The following MROH1 variants were observed in gnomAD, a reference collection of about 807,000 sequenced individuals.
The protein encoded by MROH1 is maestro heat like repeat family member 1, also known as maestro heat-like repeat-containing protein family member 1.
Under a neutral mutation model 116.5 loss-of-function variants are expected in MROH1, and 117 were observed. That is an observed-to-expected ratio of 1.00 (90% CI 0.86 to 1.17). The LOEUF is 1.17. MROH1 is among the 50% of genes most tolerant of loss of function. The pLI is 0.00. For missense variants in MROH1, 1,873 were observed against 1,338.5 expected, an observed-to-expected ratio of 1.40 and a Z score of -6.23; for synonymous variants, 921 against 583.9, an observed-to-expected ratio of 1.58 and a Z score of -8.32.
chr8:144,161,440 G>A (rs1413639618), intron 2 of MROH1, among the ~76,000 whole-genome samples: 1 of 152,132 alleles, frequency 6.6e-6, no homozygotes, highest in African/African-American at 2.4e-5. Context: ...GCAGACTCCG[G>A]CCGCCTTGGT....
chr8:144,200,294 TAG>T, intron 11 of MROH1, 132 bp from the exon 12 acceptor site: 10 of 672,930 alleles, frequency 1.5e-5, no homozygotes, highest in Non-Finnish European at 2.4e-5. Flanking sequence ...GCCCAGCGAT[TAG>T]GTGACCCCAG....
intron 12 of MROH1, among the ~76,000 whole-genome samples, chr8:144,219,084 G>A (rs1210751919): frequency 6.0e-5 from 9 of 150,784 alleles, no homozygotes; most frequent in African/African-American, 1.7e-4. Flanking sequence ...GTGCAGTGGT[G>A]CGATCTCAGC....
intron 12 of MROH1, among the ~76,000 whole-genome samples, chr8:144,211,739 A>C (rs1287748700): frequency 6.6e-6 from 1 of 152,098 alleles, no homozygotes; most frequent in African/African-American, 2.4e-5. Context: ...AAAAAAAAAA[A>C]AGAAAAAGAA....
chr8:144,260,104 G>T, intron 38 of MROH1, 47 bp downstream of exon 38: 3 of 742,528 alleles, frequency 4.0e-6, no homozygotes, highest in South Asian at 1.4e-5. Context: ...CATGGGTGGG[G>T]GGCTGTGCAT....
Position 144,250,235 on chromosome 8 carries a change from G to A in MROH1, c.3297G>A (p.Leu1099=), listed in dbSNP as rs2133154833. ...QEKVPEIVSV[L]RSKLQEAQGE... is the part of the protein sequence containing the mutation. ...AGGTGCCCGAGATCGTGAGCGTCCT[G>A]CGCTCCAAGCTTCAGGAGGCCCAGG... Residue 1099 remains leucine, a synonymous_variant, in exon 33 of 44, where the codon CTG becomes CTA. Coordinates refer to ENST00000326134, the MANE Select transcript of MROH1 (RefSeq NM_032450.3). The A allele has an allele frequency of 2.6e-6, 2 of 767,988 alleles. No homozygotes were observed. Among genetic ancestry groups the A allele is most frequent in the East Asian group, 4.9e-5 (2 of 41,200 alleles). The allele number at this position is 767,988 out of a possible 1,614,324, so 47.6% of individuals were successfully genotyped here.
chr8:144,180,377 G>A lies in MROH1; in HGVS notation c.463+37G>A, dbSNP rs753790020. 1 of 1,609,972 alleles carries A rather than the reference G, an allele frequency of 6.2e-7. No homozygotes were observed. The highest frequency in any genetic ancestry group is 1.3e-5 in the African/African-American group (1 of 75,042). On this transcript the variant is annotated intron_variant, in intron 6 of 43. Coordinates refer to ENST00000326134, the MANE Select transcript of MROH1 (RefSeq NM_032450.3). This position sits in a 1 kb window ranked among gnomAD's most constrained non-coding sequence, Gnocchi z 7.4. ...GCGGCCTGCCCCAGGAGGAGCACGG[G>A]GCGCTGGAAGCCTTGGCGGAGGCCT... is the stretch of plus-strand genomic sequence containing the variant.
intron 1 of MROH1, among the ~76,000 whole-genome samples, chr8:144,155,689 G>A (rs1468581009): frequency 2.7e-5 from 4 of 145,642 alleles, no homozygotes; most frequent in Admixed American, 2.1e-4. Flanking sequence ...ACCCAGGCCA[G>A]AATGCACGAT....
rs79749774 is a variant in MROH1 at position 144,197,417 on chromosome 8, C to CTTTTTTTTTTTTTTTT, written c.949-1684_949-1669dup. Reference sequence around the variant, plus strand: ...AAGAGTGGGCAGGAAGCTGCAGCATCTTTTTTTTTTTTTTTTTTTTTTTTT... The same window carrying CTTTTTTTTTTTTTTTT: ...AAGAGTGGGCAGGAAGCTGCAGCATCTTTTTTTTTTTTTTTTTTTTTTTTTTTTTTTTTTTTTTTTT... On this transcript the variant is annotated intron_variant, in intron 10 of 43. Transcript: ENST00000326134. Among the ~76,000 whole-genome samples the CTTTTTTTTTTTTTTTT allele has an allele frequency of 1.2e-4, 5 of 42,500 alleles. 2 individuals carry two copies. Among genetic ancestry groups the CTTTTTTTTTTTTTTTT allele is most frequent in the African/African-American group, 2.6e-4 (2 of 7,674 alleles). 27.9% of individuals were successfully genotyped at this position (42,500 alleles called of 152,430 possible). A position where few individuals can be genotyped will look rare whatever the true frequency, so the allele number is the denominator to read the frequency against.
At chr8:144,250,148 G>GC (rs1842616990) in intron 32 of MROH1, 64 bp from the exon 33 acceptor site, 1 of 731,150 alleles carries the variant, frequency 1.4e-6, no homozygotes, top group South Asian at 1.4e-5. Flanking sequence ...CCTTGGGCTG[G>GC]CGTAGGTGTG....
At chr8:144,154,548 G>A (rs1817593835) in intron 1 of MROH1, among the ~76,000 whole-genome samples, 1 of 152,140 alleles carries the variant, frequency 6.6e-6, no homozygotes, top group African/African-American at 2.4e-5. Flanking sequence ...GGTGTGTTAA[G>A]CAGATACACT....
intron 14 of MROH1, among the ~76,000 whole-genome samples, chr8:144,223,471 G>A (rs1416591120): frequency 6.6e-6 from 1 of 152,088 alleles, no homozygotes; most frequent in Non-Finnish European, 1.5e-5. Flanking sequence ...GAACTCCTGG[G>A]ATCAGGAGAC....
At chr8:144,217,936 G>T (rs968765397) in intron 12 of MROH1, among the ~76,000 whole-genome samples, 17 of 151,226 alleles carry the variant, frequency 1.1e-4, no homozygotes, top group African/African-American at 4.1e-4. Context: ...GGGTGGCTGC[G>T]TTAGCAGCCC....
chr8:144,214,686 C>G (rs1355990437), intron 12 of MROH1, among the ~76,000 whole-genome samples: 4 of 152,184 alleles, frequency 2.6e-5, no homozygotes, highest in Non-Finnish European at 5.9e-5. Flanking sequence ...TGTTCGTTCC[C>G]TTTGTCTCCT....
intron 14 of MROH1, among the ~76,000 whole-genome samples, chr8:144,229,325 C>G (rs192037186): frequency 1.4e-4 from 22 of 152,110 alleles, no homozygotes; most frequent in Admixed American, 1.4e-3. Context: ...TTTTGTTGCC[C>G]AGATCTGTGA....
chr8:144,157,609 G>A (rs1818461935), intron 1 of MROH1, among the ~76,000 whole-genome samples: 1 of 151,632 alleles, frequency 6.6e-6, no homozygotes, highest in Non-Finnish European at 1.5e-5. Flanking sequence ...CTCTTTGTGA[G>A]TGAGGTTTGA....
At chr8:144,158,876 C>G (rs890361762) in intron 1 of MROH1, among the ~76,000 whole-genome samples, 1 of 152,030 alleles carries the variant, frequency 6.6e-6, no homozygotes, top group Non-Finnish European at 1.5e-5. Flanking sequence ...GTAGCTGGGA[C>G]TACAGGCGCA....
intron 12 of MROH1, among the ~76,000 whole-genome samples, chr8:144,219,008 T>G (rs920365909): frequency 2.5e-4 from 35 of 137,428 alleles, no homozygotes; most frequent in African/African-American, 1.0e-3. Context: ...CTAATTTTTG[T>G]GTTTTTTTTT....
At chr8:144,255,421 C>A in intron 34 of MROH1, 88 bp from the exon 35 acceptor site, 1 of 718,538 alleles carries the variant, frequency 1.4e-6, no homozygotes, top group Non-Finnish European at 2.6e-6. Context: ...ATGATGCAGG[C>A]GAAGGGGGAT....
intron 14 of MROH1, among the ~76,000 whole-genome samples, chr8:144,226,882 C>T (rs557172652): frequency 1.6e-4 from 25 of 152,248 alleles, no homozygotes; most frequent in Admixed American, 3.9e-4. Flanking sequence ...GATAATATTC[C>T]GTCTTCCAAT....
Sources: gnomAD v4.1 joint callset for allele counts (sites outside exome capture counted in the v4.1 genomes callset) on GRCh38, gnomAD v4.1.1 for gene constraint, Gnocchi (gnomAD v3.1) non-coding constraint, MANE v1.5 for transcripts, NCBI Gene and HGNC (gene_info 2026-07-23, HGNC 2026-07-21) for gene names.